Variants in RPL11 observed in about 807,000 individuals in gnomAD.
The protein encoded by RPL11 is large ribosomal subunit protein uL5.
A neutral mutation model predicts 24.1 loss-of-function variants in RPL11; 3 were observed. The observed-to-expected ratio is 0.12, with a 90% CI of 0.06 to 0.32. RPL11 has a LOEUF of 0.32. Among genes scored for constraint, RPL11 ranks in the 10% least tolerant of loss-of-function variants. The pLI is 1.00. For missense variants in RPL11, 146 were observed against 225.7 expected (o/e 0.65, Z 2.26); for synonymous variants, 96 against 75.7 (o/e 1.27, Z -1.39).
chr1:23,691,983 A>G, intron 1 of RPL11, 154 bp downstream of exon 1: 1 of 1,029,632 alleles, frequency 9.7e-7, no homozygotes. Flanking sequence ...CCAAGGACGC[A>G]GGGTTGAATT....
At chr1:23,694,260 C>G (rs1441476584) in intron 3 of RPL11, among the ~76,000 whole-genome samples, 2 of 151,970 alleles carry the variant, frequency 1.3e-5, no homozygotes, top group East Asian at 3.9e-4. Context: ...CTCCTGTAGT[C>G]CCAGCTACTC....
In RPL11 at chr1:23,693,900, A is replaced by G. The variant is rs771576117; in HGVS notation, c.251A>G (p.Glu84Gly). The change falls in exon 3 of 6, where the codon GAG becomes GGG. Residue 84 changes from glutamate (E) to glycine (G), a missense_variant. Glu to Gly is a moderately conservative substitution (Grantham distance 98, BLOSUM62 -2). Transcript: ENST00000643754. ...GGGGCCAAGGCAGAAGAAATCTTGG[A>G]GAAGGGTCTAAAGGTGAGCCTAATC... ...VRGAKAEEIL[E>G]KGLKVREYEL... The G allele has an allele frequency of 6.2e-7, 1 of 1,613,982 alleles. No individual in the cohort carries two copies.
intron 5 of RPL11, 109 bp downstream of exon 5, chr1:23,696,017 T>G (rs1025994135): frequency 8.9e-7 from 1 of 1,123,908 alleles, no homozygotes; most frequent in African/African-American, 1.5e-5. Flanking sequence ...TTCTTTAAAG[T>G]TAGAATATTG....
At chr1:23,694,894 A>G in intron 4 of RPL11, 103 bp downstream of exon 4, 20 of 1,558,250 alleles carry the variant, frequency 1.3e-5, no homozygotes, top group Non-Finnish European at 1.7e-5. Context: ...GCAGCTTTGA[A>G]TATTGTCTGC....
chr1:23,695,614 C>T (rs10799803), intron 4 of RPL11, 184 bp from the exon 5 acceptor site: 645,538 of 649,300 alleles, frequency 0.99, 320,972 homozygotes, highest in Non-Finnish European at 1. Context: ...AGCAAACTTA[C>T]AGTATGGCTG....
intron 3 of RPL11, 60 bp downstream of exon 3, chr1:23,693,973 A>G (rs978853174): frequency 2.3e-5 from 27 of 1,198,342 alleles, no homozygotes; most frequent in Non-Finnish European, 1.2e-5. Context: ...ACACATGTAG[A>G]TAAGTTACAT....
In RPL11 at chr1:23,691,813, TG is replaced by T. The variant is rs1253112558; in HGVS notation, c.-10del. On this transcript the variant is annotated 5_prime_UTR_variant, in exon 1 of 6. Transcript: ENST00000643754. ...GGCCGGAAGCTCCGCTTTCTCTTCCTGCTCTCCATCATGGCGGTGAGTAGCT... is the reference window on the plus strand; with the variant it reads ...GGCCGGAAGCTCCGCTTTCTCTTCCTCTCTCCATCATGGCGGTGAGTAGCT... 1.2e-6 allele frequency: 2 copies of T among 1,614,146 alleles called. No homozygotes were observed. The highest frequency in any genetic ancestry group is 2.7e-5 in the African/African-American group (2 of 74,962).
intron 2 of RPL11, 30 bp from the exon 3 acceptor site, chr1:23,693,777 A>G (rs1477002089): frequency 6.6e-7 from 1 of 1,522,054 alleles, no homozygotes; most frequent in African/African-American, 1.4e-5. Context: ...GTATGATGGC[A>G]TCTGACTCCT....
At chr1:23,694,977 G>A in intron 4 of RPL11, 186 bp downstream of exon 4, 2 of 846,964 alleles carry the variant, frequency 2.4e-6, no homozygotes, top group South Asian at 3.0e-5. Context: ...TCTGAACAAG[G>A]TGGACAAGAT....
chr1:23,692,111 A>G (rs1644503753), intron 1 of RPL11: 2 of 567,898 alleles, frequency 3.5e-6, no homozygotes, highest in African/African-American at 1.9e-5. Flanking sequence ...GTTCTGAGGC[A>G]GGGGGGTCCG....
chr1:23,694,360 A>C (rs1169525783), intron 3 of RPL11, among the ~76,000 whole-genome samples: 3 of 151,996 alleles, frequency 2.0e-5, no homozygotes, highest in Admixed American at 6.5e-5. Context: ...CTTAGGCCAC[A>C]GAGTGAGACT....
At chr1:23,691,887 G>T in intron 1 of RPL11, 58 bp downstream of exon 1, 2 of 1,611,886 alleles carry the variant, frequency 1.2e-6, no homozygotes, top group Non-Finnish European at 1.7e-6. Flanking sequence ...ATGGCAGGCC[G>T]AGCCTGCGGG....
In RPL11 at chr1:23,695,881, G is replaced by A; in HGVS notation, c.480G>A (p.Glu160=). The A allele has an allele frequency of 6.3e-7, 1 of 1,593,818 alleles. No individual in the cohort carries two copies. Among genetic ancestry groups the A allele is most frequent in the Non-Finnish European group, 8.5e-7 (1 of 1,169,914 alleles). Residue 160 remains glutamate (E), a synonymous_variant, in exon 5 of 6, where the codon GAG becomes GAA. Transcript: ENST00000643754. Reference sequence around the variant, plus strand: ...GGGCCAAACACAGAATCAGCAAAGAGGAGGCCATGCGCTGGTTCCAGCAGA... The same window carrying A: ...GGGCCAAACACAGAATCAGCAAAGAAGAGGCCATGCGCTGGTTCCAGCAGA... ...CIGAKHRISK[E]EAMRWFQQKY...
At position 23,691,820 on chromosome 1, in the gene RPL11, C is replaced by T. The variant is rs1308591872; in HGVS notation, c.-4C>T. 3.7e-6 allele frequency: 6 copies of T among 1,614,146 alleles called. No homozygotes were observed. The highest frequency in any genetic ancestry group is 2.2e-5 in the East Asian group (1 of 44,900). On this transcript the variant is annotated 5_prime_UTR_variant, in exon 1 of 6. Transcript: ENST00000643754. ...AGCTCCGCTTTCTCTTCCTGCTCTC[C>T]ATCATGGCGGTGAGTAGCTGGGACC...
In RPL11 at chr1:23,696,822, T is replaced by C. The variant is rs1461874416; in HGVS notation, c.*449T>C. On this transcript the variant is annotated 3_prime_UTR_variant, in exon 6 of 6. Transcript: ENST00000643754. The stretch of plus-strand genomic sequence containing the variant: ...TTGGTGTGATGGTTGAGATTAAATT[T>C]AGACTTAACTGTTCAGGCTCAGGTT... 4.3e-6 allele frequency: 1 copy of C among 230,236 alleles called. No individual in the cohort carries two copies. Among genetic ancestry groups the C allele is most frequent in the Admixed American group, 5.2e-5 (1 of 19,268 alleles). The allele number at this position is 230,236 out of a possible 1,614,324, so 14.3% of individuals were successfully genotyped here.
chr1:23,694,871 C>T (rs904185220), intron 4 of RPL11, 80 bp downstream of exon 4: 2 of 1,599,412 alleles, frequency 1.3e-6, no homozygotes, highest in Admixed American at 3.3e-5. Context: ...TGTTGGTGTT[C>T]ACATGTTGAG....
rs199995832 is a variant in RPL11 at position 23,691,812 on chromosome 1, C to T, written c.-12C>T. 1.7e-5 allele frequency: 27 copies of T among 1,614,256 alleles called. No individual in the cohort carries two copies. The Middle Eastern group carries it at 4.9e-4, about 30-fold the overall frequency. ...CGGCCGGAAGCTCCGCTTTCTCTTC[C>T]TGCTCTCCATCATGGCGGTGAGTAG... On this transcript the variant is annotated 5_prime_UTR_variant, in exon 1 of 6. Transcript: ENST00000643754.
intron 3 of RPL11, 79 bp downstream of exon 3, chr1:23,693,992 C>T: frequency 9.3e-7 from 1 of 1,069,860 alleles, no homozygotes; most frequent in South Asian, 1.3e-5. Context: ...ATTTAATGTT[C>T]TGTTCTTTGG....
chr1:23,694,396 A>T (rs1644520919), intron 3 of RPL11, among the ~76,000 whole-genome samples: 1 of 151,588 alleles, frequency 6.6e-6, no homozygotes, highest in Non-Finnish European at 1.5e-5. Context: ...AAAAAGAAAA[A>T]GGATGCTTGG....
Sources: allele counts gnomAD v4.1 joint callset (sites outside exome capture counted in the v4.1 genomes callset), GRCh38; gene constraint gnomAD v4.1.1; transcripts MANE v1.5; gene names NCBI Gene and HGNC (gene_info 2026-07-23, HGNC 2026-07-21).